TESPA1: variants seen among roughly 807,000 people sequenced by gnomAD.
TESPA1 encodes protein TESPA1.
In TESPA1, 33 loss-of-function variants were observed where a neutral mutation model predicts 57.9. The observed-to-expected ratio is 0.57, with a 90% CI of 0.43 to 0.76. The LOEUF is 0.76. Among genes scored for constraint, TESPA1 ranks in the 30% least tolerant of loss-of-function variants. The probability of loss-of-function intolerance (pLI) is 0.00; values close to 1 mark genes in which losing one functional copy is unlikely to be tolerated. For synonymous variants in TESPA1, 227 were observed against 228.9 expected, an observed-to-expected ratio of 0.99 and a Z score of 0.07; for missense variants, 618 against 632.9, an observed-to-expected ratio of 0.98 and a Z score of 0.25.
At chr12:54,953,310 T>G (rs1179547278) in intron 10 of TESPA1, among the ~76,000 whole-genome samples, 1 of 152,162 alleles carries the variant, frequency 6.6e-6, no homozygotes, top group South Asian at 2.1e-4. Context: ...TTGATCTTTC[T>G]CCAGCACATC....
rs916434482 is a variant in TESPA1 at position 54,980,149 on chromosome 12, A to T, written c.-46+4436T>A. Among the ~76,000 whole-genome samples, 15 of 152,328 alleles carry T rather than the reference A, an allele frequency of 9.8e-5. No homozygotes were observed. In the South Asian group the frequency reaches 3.1e-3, roughly 32 times the overall value. On this transcript the variant is annotated intron_variant, in intron 1 of 10. Transcript: ENST00000449076. ...CAATGTAATTTGGGATTAAAAAAAA[A>T]GGAGAAGTTATTTTAGTAAATTCTC...
intron 10 of TESPA1, among the ~76,000 whole-genome samples, chr12:54,959,601 C>A (rs1024692162): frequency 1.3e-5 from 2 of 152,198 alleles, no homozygotes; most frequent in Non-Finnish European, 2.9e-5. Flanking sequence ...GGTTCTCTAC[C>A]GTGGTTCTGA....
At chr12:54,950,779 CTT>C (rs1228046098) in intron 10 of TESPA1, among the ~76,000 whole-genome samples, 1 of 152,084 alleles carries the variant, frequency 6.6e-6, no homozygotes, top group African/African-American at 2.4e-5. Context: ...AAGTATTTCT[CTT>C]GTTTTTTCTA....
chr12:54,954,860 C>T (rs539723055), intron 10 of TESPA1, among the ~76,000 whole-genome samples: 13 of 152,322 alleles, frequency 8.5e-5, no homozygotes, highest in African/African-American at 3.1e-4. Flanking sequence ...TTTGTTTCCA[C>T]ATCTTAGTCA....
At chr12:54,971,192 A>G (rs1951809379) in intron 3 of TESPA1, among the ~76,000 whole-genome samples, 2 of 152,250 alleles carry the variant, frequency 1.3e-5, no homozygotes, top group South Asian at 4.1e-4. Flanking sequence ...AAAAATGGAA[A>G]CTATATGGTC....
intron 10 of TESPA1, among the ~76,000 whole-genome samples, 192 bp downstream of exon 10, chr12:54,960,976 T>G (rs1464693652): frequency 6.6e-6 from 1 of 152,176 alleles, no homozygotes; most frequent in East Asian, 1.9e-4. Context: ...CTGGGCATCA[T>G]TGATCTAGAG....
Position 54,982,416 on chromosome 12 carries a change from T to C in TESPA1, c.-46+2169A>G, listed in dbSNP as rs1952354453. Among the ~76,000 whole-genome samples the C allele has an allele frequency of 2.6e-5, 4 of 152,240 alleles. No homozygotes were observed. In the South Asian group the frequency reaches 8.3e-4, roughly 32 times the overall value. On this transcript the variant is annotated intron_variant, in intron 1 of 10. Transcript: ENST00000449076. Reference sequence around the variant, plus strand: ...GAACTCCTATTCCCCTCCCTTTTCATACTCTTTCTCCCACAAATAAGCGTA... The same window carrying C: ...GAACTCCTATTCCCCTCCCTTTTCACACTCTTTCTCCCACAAATAAGCGTA...
At chr12:54,963,553 G>T (rs1951221576) in intron 8 of TESPA1, among the ~76,000 whole-genome samples, 189 bp downstream of exon 8, 1 of 152,132 alleles carries the variant, frequency 6.6e-6, no homozygotes. Context: ...TCTCTTAAAG[G>T]CTATTTCTTT....
chr12:54,968,104 A>C, intron 3 of TESPA1: 1 of 1,214,382 alleles, frequency 8.2e-7, no homozygotes, highest in South Asian at 1.4e-5. Context: ...AATGCACTAT[A>C]TTTTAGATTG....
chr12:54,953,522 C>CTTTT (rs1178610425), intron 10 of TESPA1, among the ~76,000 whole-genome samples: 15 of 135,378 alleles, frequency 1.1e-4, no homozygotes, highest in Admixed American at 7.9e-4. Context: ...TTTTTATTTA[C>CTTTT]TTTTTTTTTT....
intron 10 of TESPA1, among the ~76,000 whole-genome samples, chr12:54,951,161 T>G (rs1431832326): frequency 2.0e-5 from 3 of 152,212 alleles, no homozygotes; most frequent in Admixed American, 2.0e-4. Context: ...GGGAGGTGAT[T>G]GGATCACAGA....
intron 10 of TESPA1, among the ~76,000 whole-genome samples, chr12:54,952,270 T>C (rs1950449955): frequency 6.6e-6 from 1 of 152,218 alleles, no homozygotes; most frequent in South Asian, 2.1e-4. Context: ...CTCCCAGAAC[T>C]GTAGTAAATA....
chr12:54,953,865 T>C (rs937652619), intron 10 of TESPA1, among the ~76,000 whole-genome samples: 2 of 152,208 alleles, frequency 1.3e-5, no homozygotes, highest in African/African-American at 4.8e-5. Flanking sequence ...AAAAAAGTAA[T>C]GCCATCTTCT....
chr12:54,971,909 A>C (rs1951855815), intron 3 of TESPA1, among the ~76,000 whole-genome samples: 6 of 152,160 alleles, frequency 3.9e-5, no homozygotes, highest in Admixed American at 2.6e-4. Context: ...ATTTTGTGGA[A>C]TTATAGGTAG....
chr12:54,979,001 C>A (rs1377147312), intron 1 of TESPA1, among the ~76,000 whole-genome samples: 1 of 152,258 alleles, frequency 6.6e-6, no homozygotes, highest in African/African-American at 2.4e-5. Flanking sequence ...CACCCTGGCA[C>A]TGGGAAATTA....
In TESPA1 at chr12:54,956,116, T is replaced by C. The variant is rs143695852; in HGVS notation, c.*1+5052A>G. On this transcript the variant is annotated intron_variant, in intron 10 of 10. Transcript: ENST00000449076. ...GGTAATATTATCACATAGGACAATC[T>C]TACATCAAAGAGAAGACTGTAGCTA... 3.9e-3 allele frequency among the ~76,000 whole-genome samples: 592 copies of C among 152,322 alleles called. 1 individual carries two copies. The highest frequency in any genetic ancestry group is 0.027 in the East Asian group (141 of 5,184).
chr12:54,974,687 T>C, intron 1 of TESPA1, 80 bp from the exon 2 acceptor site: 1 of 1,113,494 alleles, frequency 9.0e-7, no homozygotes, highest in Non-Finnish European at 1.2e-6. Flanking sequence ...CCCTGAATTT[T>C]CCTGTGTCTG....
intron 10 of TESPA1, among the ~76,000 whole-genome samples, chr12:54,952,168 C>T (rs751339283): frequency 6.6e-6 from 1 of 152,172 alleles, no homozygotes; most frequent in Non-Finnish European, 1.5e-5. Flanking sequence ...ATGGCATGCT[C>T]TTGCTTTTTT....
chr12:54,982,471 A>G (rs539534368), intron 1 of TESPA1, among the ~76,000 whole-genome samples: 6 of 152,332 alleles, frequency 3.9e-5, no homozygotes, highest in African/African-American at 1.4e-4. Flanking sequence ...AAGACCATCT[A>G]AGACCTTTTT....
Sources: allele counts gnomAD v4.1 joint callset (sites outside exome capture counted in the v4.1 genomes callset), GRCh38; gene constraint gnomAD v4.1.1; transcripts MANE v1.5; gene names NCBI Gene and HGNC (gene_info 2026-07-23, HGNC 2026-07-21).